Variants in GLIS3 observed in about 807,000 individuals in gnomAD.
GLIS3 encodes the protein GLIS family zinc finger 3.
Under a neutral mutation model 78.6 loss-of-function variants are expected in GLIS3, and 53 were observed. The observed-to-expected ratio is 0.67, with a 90% CI of 0.54 to 0.85. The LOEUF is 0.85. GLIS3 is among the 40% of genes least tolerant of loss of function. The pLI is 0.00. For synonymous variants in GLIS3, 684 were observed against 509.9 expected (o/e 1.34, Z -4.60); for missense variants, 1,703 against 1,231.1 (o/e 1.38, Z -5.74).
At chr9:4,334,726 G>A (rs531898149) in intron 2 of GLIS3, among the ~76,000 whole-genome samples, 2 of 152,186 alleles carry the variant, frequency 1.3e-5, no homozygotes, top group East Asian at 3.9e-4. Context: ...ATGAGTCACA[G>A]CATTCATTCT....
chr9:4,331,144 G>C (rs554198506), intron 2 of GLIS3, among the ~76,000 whole-genome samples: 25 of 151,756 alleles, frequency 1.6e-4, no homozygotes, highest in African/African-American at 6.0e-4. Context: ...TAAGTCTCAA[G>C]TTGTCAGCAG....
chr9:4,069,825 A>C (rs748139175), intron 4 of GLIS3, among the ~76,000 whole-genome samples: 1 of 152,058 alleles, frequency 6.6e-6, no homozygotes, highest in Non-Finnish European at 1.5e-5. Flanking sequence ...TGTGCATTTT[A>C]GAAGAAAAAC....
intron 4 of GLIS3, among the ~76,000 whole-genome samples, chr9:4,106,288 G>A (rs1041322497): frequency 2.6e-5 from 4 of 152,148 alleles, no homozygotes; most frequent in Admixed American, 6.6e-5. Context: ...TTCTGTATAC[G>A]TGACGCCTCC....
intron 4 of GLIS3, among the ~76,000 whole-genome samples, chr9:3,976,297 A>G (rs1481772194): frequency 1.3e-5 from 2 of 152,150 alleles, no homozygotes; most frequent in Admixed American, 1.3e-4. Flanking sequence ...AAAGATGTAA[A>G]TATCTTTCCA....
At chr9:3,994,125 C>A (rs534273868) in intron 4 of GLIS3, among the ~76,000 whole-genome samples, 1 of 152,204 alleles carries the variant, frequency 6.6e-6, no homozygotes, top group African/African-American at 2.4e-5. Flanking sequence ...ACTTTGAGAA[C>A]TGCTGTTCCA....
the GLIS3 span, among the ~76,000 whole-genome samples, chr9:4,389,905 C>G: frequency 7.2e-5 from 11 of 152,276 alleles, no homozygotes; most frequent in East Asian, 1.9e-3. Flanking sequence ...GTGGCAGATA[C>G]GTAAGAAGCA....
chr9:4,445,641 A>T, the GLIS3 span, among the ~76,000 whole-genome samples: 4 of 152,208 alleles, frequency 2.6e-5, no homozygotes, highest in Non-Finnish European at 5.9e-5. Context: ...CTCTAAAAAT[A>T]AAAATAAGAA....
At chr9:4,488,260 G>A in the GLIS3 span, among the ~76,000 whole-genome samples, 1 of 152,096 alleles carries the variant, frequency 6.6e-6, no homozygotes, top group East Asian at 1.9e-4. Context: ...TGGCCAATAT[G>A]TTTATTTTAC....
rs1821182759 is a variant in GLIS3 at position 4,220,022 on chromosome 9, CA to C, written c.388+66015del. ...ATGAGCTCAGAAAATCTTTTTGTAC[CA>C]AAAAGTAAGGAATTGATCAAAGAAT... is the stretch of plus-strand genomic sequence containing the variant. On this transcript the variant is annotated intron_variant, in intron 2 of 10. Coordinates refer to ENST00000381971, the MANE Select transcript of GLIS3 (RefSeq NM_001042413.2). Among the ~76,000 whole-genome samples, 3 of 152,008 alleles carry C rather than the reference CA, an allele frequency of 2.0e-5. No homozygotes were observed. The South Asian group carries it at 6.2e-4, about 32-fold the overall frequency.
intron 6 of GLIS3, among the ~76,000 whole-genome samples, chr9:3,914,447 A>AAT (rs1375851679): frequency 6.6e-6 from 1 of 151,722 alleles, no homozygotes; most frequent in African/African-American, 2.4e-5. Context: ...GATTATAGGC[A>AAT]TGAGCCTCTG....
chr9:3,888,245 G>T (rs562681581), intron 7 of GLIS3, among the ~76,000 whole-genome samples: 1 of 152,108 alleles, frequency 6.6e-6, no homozygotes, highest in Non-Finnish European at 1.5e-5. Context: ...AAACAAAGCT[G>T]CAGTAAAAAA....
chr9:4,242,702 T>C (rs546096010), intron 2 of GLIS3, among the ~76,000 whole-genome samples: 28 of 152,302 alleles, frequency 1.8e-4, no homozygotes, highest in South Asian at 6.2e-4. Context: ...ACTTGAAATA[T>C]AGCTAGTAGG....
intron 8 of GLIS3, among the ~76,000 whole-genome samples, chr9:3,860,909 A>C (rs930977744): frequency 6.6e-6 from 1 of 152,200 alleles, no homozygotes; most frequent in Non-Finnish European, 1.5e-5. Flanking sequence ...TATTTTAGTA[A>C]GGGGAGACAG....
At chr9:4,334,994 C>A (rs188140538) in intron 2 of GLIS3, among the ~76,000 whole-genome samples, 1 of 146,774 alleles carries the variant, frequency 6.8e-6, no homozygotes, top group South Asian at 2.2e-4. Flanking sequence ...CCGCAAGCTC[C>A]ACCTCCCGGG....
intron 1 of GLIS3, among the ~76,000 whole-genome samples, chr9:4,295,455 G>T (rs887246533): frequency 1.1e-4 from 16 of 152,150 alleles, no homozygotes; most frequent in African/African-American, 3.9e-4. Context: ...CATCTTTAAA[G>T]GGGGAGTCCA....
chr9:4,334,319 C>A (rs148451406), intron 2 of GLIS3, among the ~76,000 whole-genome samples: 77 of 152,244 alleles, frequency 5.1e-4, no homozygotes, highest in Middle Eastern at 3.4e-3. Flanking sequence ...ATCACAGAAC[C>A]TCTCAAAACA....
At chr9:4,374,295 A>G in the GLIS3 span, among the ~76,000 whole-genome samples, 1 of 152,184 alleles carries the variant, frequency 6.6e-6, no homozygotes, top group South Asian at 2.1e-4. Context: ...AATCCTCTAT[A>G]TCTTACTCCC....
At chr9:3,882,636 T>C (rs1203847218) in intron 7 of GLIS3, among the ~76,000 whole-genome samples, 1 of 152,122 alleles carries the variant, frequency 6.6e-6, no homozygotes, top group East Asian at 1.9e-4. Context: ...CGTCAACTGG[T>C]GTTGACTGAC....
At chr9:4,242,896 A>G (rs1309619572) in intron 2 of GLIS3, among the ~76,000 whole-genome samples, 2 of 152,198 alleles carry the variant, frequency 1.3e-5, no homozygotes, top group Admixed American at 1.3e-4. Flanking sequence ...GGCTACTAAA[A>G]TTTTTAAATT....
Sources: allele counts gnomAD v4.1 joint callset (sites outside exome capture counted in the v4.1 genomes callset), GRCh38; gene constraint gnomAD v4.1.1; transcripts MANE v1.5; gene names NCBI Gene and HGNC (gene_info 2026-07-23, HGNC 2026-07-21).